Variants in VPS13A observed in about 807,000 individuals in gnomAD.
VPS13A encodes the protein intermembrane lipid transfer protein VPS13A.
VPS13A carries 264 observed loss-of-function variants against 390.9 expected under a neutral mutation model. The observed-to-expected ratio is 0.68, with a 90% CI of 0.61 to 0.75. The LOEUF is 0.75. Among genes scored for constraint, VPS13A ranks in the 30% least tolerant of loss-of-function variants. The pLI, the probability that VPS13A is intolerant of heterozygous loss-of-function variation, is 0.00. For missense variants in VPS13A, 3,409 were observed against 3,733.9 expected (o/e 0.91, Z 2.27); for synonymous variants, 1,231 against 1,227.1 (o/e 1.00, Z -0.07).
chr9:77,279,294 T>A (rs1242511365), intron 26 of VPS13A, among the ~76,000 whole-genome samples: 1 of 151,982 alleles, frequency 6.6e-6, no homozygotes, highest in East Asian at 1.9e-4. Flanking sequence ...TCCCCTGAGG[T>A]TGGGCCACCC....
chr9:77,286,969 C>A (rs1827360198), intron 31 of VPS13A, among the ~76,000 whole-genome samples: 1 of 151,972 alleles, frequency 6.6e-6, no homozygotes, highest in South Asian at 2.1e-4. Context: ...AGACCACAGC[C>A]TTTCTGCTCT....
chr9:77,234,382 C>T (rs1034865748), intron 17 of VPS13A, among the ~76,000 whole-genome samples: 2 of 152,070 alleles, frequency 1.3e-5, no homozygotes, highest in South Asian at 4.1e-4. Flanking sequence ...CCAGCTCTCT[C>T]TTGGTTATGA....
intron 23 of VPS13A, among the ~76,000 whole-genome samples, chr9:77,262,654 A>G (rs553917111): frequency 3.3e-5 from 5 of 151,412 alleles, no homozygotes; most frequent in Admixed American, 6.6e-5. Flanking sequence ...TCCTTGTTCA[A>G]CTCCCACTTA....
intron 27 of VPS13A, among the ~76,000 whole-genome samples, chr9:77,280,958 G>C (rs557963111): frequency 6.6e-6 from 1 of 152,106 alleles, no homozygotes; most frequent in South Asian, 2.1e-4. Context: ...TTTAAAAAAG[G>C]GGGGGAATCC....
At chr9:77,369,140 GAAAA>G (rs1158736068) in intron 62 of VPS13A, among the ~76,000 whole-genome samples, 155 bp from the exon 63 acceptor site, 3 of 151,426 alleles carry the variant, frequency 2.0e-5, no homozygotes, top group East Asian at 3.9e-4. Flanking sequence ...AAAAGAAAAA[GAAAA>G]AAAAGAGTAG....
intron 22 of VPS13A, among the ~76,000 whole-genome samples, chr9:77,255,071 G>A (rs189401677): frequency 9.9e-4 from 151 of 152,172 alleles, no homozygotes; most frequent in African/African-American, 3.6e-3. Flanking sequence ...CCTTAATCCT[G>A]AGCCCAGAGG....
intron 17 of VPS13A, among the ~76,000 whole-genome samples, chr9:77,235,752 CAATAA>C (rs577019435): frequency 2.5e-4 from 38 of 152,250 alleles, no homozygotes; most frequent in Middle Eastern, 3.4e-3. Context: ...TCCACAGACT[CAATAA>C]TTTCAGTTGT....
chr9:77,229,170 C>T (rs568182518), intron 17 of VPS13A, among the ~76,000 whole-genome samples: 15 of 152,102 alleles, frequency 9.9e-5, no homozygotes, highest in Admixed American at 7.9e-4. Context: ...TCTCTGCTTC[C>T]TGGGCTCAGG....
Position 77,199,941 on chromosome 9 carries a change from T to C in VPS13A, c.101-4T>C, listed in dbSNP as rs762167465. 3 of 1,600,284 alleles carry C rather than the reference T, an allele frequency of 1.9e-6. No individual in the cohort carries two copies. The highest frequency in any genetic ancestry group is 1.3e-5 in the African/African-American group (1 of 74,142). Reference sequence around the variant, plus strand: ...GTTTGAATCTTTTTTTTAATCTTTTTTAGGAGCTGTGGCCCTCAAGAATCT... The same window carrying C: ...GTTTGAATCTTTTTTTTAATCTTTTCTAGGAGCTGTGGCCCTCAAGAATCT... On this transcript the variant is annotated splice_polypyrimidine_tract_variant and splice_region_variant and intron_variant, in intron 1 of 71. Transcript: ENST00000360280.
Position 77,384,494 on chromosome 9 carries a change from CTT to C in VPS13A, c.9189+2409_9189+2410del, listed in dbSNP as rs1437840915. 1.5e-5 allele frequency: 23 copies of C among 1,563,630 alleles called. No homozygotes were observed. The African/African-American group carries it at 2.4e-4, about 17-fold the overall frequency. ...AATCTGCTTTAAAATTATTCTCACT[CTT>C]TGAACATTTCATAATCTTACATGTT... On this transcript the variant is annotated intron_variant, in intron 68 of 71. Coordinates refer to ENST00000360280, the MANE Select transcript of VPS13A (RefSeq NM_033305.3).
chr9:77,342,937 G>C (rs1830917357), intron 50 of VPS13A, among the ~76,000 whole-genome samples: 1 of 152,180 alleles, frequency 6.6e-6, no homozygotes, highest in Admixed American at 6.5e-5. Context: ...GCAGTTTTAT[G>C]GACCTGGGGG....
At chr9:77,207,251 A>ACG (rs1825722700) in intron 5 of VPS13A, among the ~76,000 whole-genome samples, 1 of 109,622 alleles carries the variant, frequency 9.1e-6, no homozygotes, top group South Asian at 2.7e-4. Flanking sequence ...ATATATATAT[A>ACG]TAAAACGTGT....
rs185171659 is a variant in VPS13A, at chr9:77,236,236, A to G, written c.1596-1766A>G. Reference sequence around the variant, plus strand: ...TTGGCTGTTGTACTTTTCACCTTCAAAATTTCTGTTTGGTTCTTTTTAATA... The same window carrying G: ...TTGGCTGTTGTACTTTTCACCTTCAGAATTTCTGTTTGGTTCTTTTTAATA... On this transcript the variant is annotated intron_variant, in intron 17 of 71. Coordinates refer to ENST00000360280, the MANE Select transcript of VPS13A (RefSeq NM_033305.3). Among the ~76,000 whole-genome samples the G allele has an allele frequency of 7.2e-5, 11 of 152,266 alleles. No individual in the cohort carries two copies. The East Asian group carries it at 2.1e-3, about 29-fold the overall frequency.
chr9:77,395,043 G>A (rs529007747), intron 68 of VPS13A, among the ~76,000 whole-genome samples: 15 of 152,274 alleles, frequency 9.9e-5, no homozygotes, highest in Non-Finnish European at 5.9e-5. Flanking sequence ...GTTCACTGGA[G>A]TAACACTTTC....
At chr9:77,220,487 C>T in intron 12 of VPS13A, 104 bp downstream of exon 12, 1 of 778,306 alleles carries the variant, frequency 1.3e-6, no homozygotes, top group South Asian at 1.7e-5. Context: ...TTTTTAAGGT[C>T]TGATACAAAC....
chr9:77,352,831 AT>A (rs1235816564), intron 53 of VPS13A, among the ~76,000 whole-genome samples: 1 of 152,160 alleles, frequency 6.6e-6, no homozygotes, highest in East Asian at 1.9e-4. Flanking sequence ...GAAAATCAGA[AT>A]ATTAACTAGA....
chr9:77,370,655 G>A, intron 65 of VPS13A, 77 bp downstream of exon 65: 1 of 1,586,872 alleles, frequency 6.3e-7, no homozygotes, highest in South Asian at 1.1e-5. Context: ...TAAGGAAATA[G>A]ACATGATTCT....
chr9:77,253,355 G>A (rs1321638158), intron 22 of VPS13A, among the ~76,000 whole-genome samples: 1 of 152,012 alleles, frequency 6.6e-6, no homozygotes, highest in Non-Finnish European at 1.5e-5. Context: ...ACCCAGGCTG[G>A]AGTGCAGTGG....
chr9:77,303,778 A>G (rs571797218), intron 34 of VPS13A, among the ~76,000 whole-genome samples: 7 of 152,326 alleles, frequency 4.6e-5, no homozygotes, highest in African/African-American at 1.4e-4. Context: ...CTCTCCACCC[A>G]AACATCTCAG....
Sources: allele counts gnomAD v4.1 joint callset (sites outside exome capture counted in the v4.1 genomes callset), GRCh38; gene constraint gnomAD v4.1.1; transcripts MANE v1.5; gene names NCBI Gene and HGNC (gene_info 2026-07-23, HGNC 2026-07-21).